INTS8: variants seen among roughly 807,000 people sequenced by gnomAD.
The protein encoded by INTS8 is integrator complex subunit 8.
Under a neutral mutation model 138.9 loss-of-function variants are expected in INTS8, and 47 were observed. That is an observed-to-expected ratio of 0.34 (90% CI 0.27 to 0.43). The LOEUF (loss-of-function observed/expected upper bound fraction) is 0.43, where lower values mean the gene tolerates loss of function less well. INTS8 is among the 20% of genes least tolerant of loss of function. The pLI, the probability that INTS8 is intolerant of heterozygous loss-of-function variation, is 1.00. For missense variants in INTS8, 996 were observed against 1,173.0 expected, an observed-to-expected ratio of 0.85 and a Z score of 2.20; for synonymous variants, 392 against 400.9, an observed-to-expected ratio of 0.98 and a Z score of 0.27.
chr8:94,854,405 A>G (rs1815670260), intron 14 of INTS8, among the ~76,000 whole-genome samples: 1 of 152,156 alleles, frequency 6.6e-6, no homozygotes, highest in Admixed American at 6.5e-5. Flanking sequence ...GATCAAATGA[A>G]TACTGCTCTG....
intron 25 of INTS8, 47 bp from the exon 26 acceptor site, chr8:94,876,399 A>C (rs370324502): frequency 7.2e-7 from 1 of 1,397,844 alleles, no homozygotes; most frequent in Non-Finnish European, 1.0e-6. Context: ...AGATTCTCTC[A>C]TTATATTTAA....
intron 13 of INTS8, among the ~76,000 whole-genome samples, chr8:94,853,494 C>T (rs1265457513): frequency 6.6e-6 from 1 of 152,108 alleles, no homozygotes; most frequent in Non-Finnish European, 1.5e-5. Context: ...TGCAAAATGA[C>T]AGTAGTAGCA....
chr8:94,861,056 C>CAA lies in INTS8; in HGVS notation c.2076+1442_2076+1443dup, dbSNP rs1195647511. Reference sequence around the variant, plus strand: ...TGGGCGACAGAGTGAGACTCTGTCTCAAAAAAAAAAAAAAAAAAATCCTTT... The same window carrying CAA: ...TGGGCGACAGAGTGAGACTCTGTCTCAAAAAAAAAAAAAAAAAAAAATCCTTT... On this transcript the variant is annotated intron_variant, in intron 16 of 26. Transcript: ENST00000523731. Among the ~76,000 whole-genome samples the CAA allele has an allele frequency of 5.4e-3, 542 of 99,660 alleles. 4 individuals carry two copies. The highest frequency in any genetic ancestry group is 0.015 in the African/African-American group (392 of 25,636). 65.4% of individuals were successfully genotyped at this position (99,660 alleles called of 152,430 possible). A position where few individuals can be genotyped will look rare whatever the true frequency, so the allele number is the denominator to read the frequency against.
At position 94,859,586 on chromosome 8, in the gene INTS8, C is replaced by T; in HGVS notation, c.2030C>T (p.Thr677Ile). The T allele has an allele frequency of 6.2e-7, 1 of 1,612,032 alleles. No individual in the cohort carries two copies. Among genetic ancestry groups the T allele is most frequent in the African/African-American group, 1.3e-5 (1 of 74,998 alleles). The change falls in exon 16 of 27, where the codon ACA (threonine) becomes ATA (isoleucine). Residue 677 changes from threonine (T) to isoleucine (I), a missense_variant. Transcript: ENST00000523731. Reference protein sequence around the residue: ...MLNWRENEYLTLQVPAFLLQS... With the variant: ...MLNWRENEYLILQVPAFLLQS... Reference sequence around the variant, plus strand: ...AACTGGAGAGAAAATGAATACCTTACACTCCAAGTTCCTGCATTTTTGCTT... The same window carrying T: ...AACTGGAGAGAAAATGAATACCTTATACTCCAAGTTCCTGCATTTTTGCTT...
chr8:94,827,221 T>G, intron 2 of INTS8, 42 bp from the exon 3 acceptor site: 1 of 1,581,328 alleles, frequency 6.3e-7, no homozygotes, highest in Non-Finnish European at 8.7e-7. Flanking sequence ...TTGTGTTTCT[T>G]TCACAATTAA....
intron 18 of INTS8, 150 bp downstream of exon 18, chr8:94,866,341 G>T: frequency 1.6e-6 from 1 of 627,398 alleles, no homozygotes; most frequent in South Asian, 1.5e-5. Context: ...CACCCAAGCT[G>T]GAGTGCTGAG....
At chr8:94,860,588 A>G (rs1314531896) in intron 16 of INTS8, among the ~76,000 whole-genome samples, 2 of 150,092 alleles carry the variant, frequency 1.3e-5, no homozygotes, top group African/African-American at 4.9e-5. Context: ...TCAAAAAAAA[A>G]AAAAAAAAAA....
chr8:94,880,309 A>G lies in INTS8; in HGVS notation c.*75A>G. On this transcript the variant is annotated 3_prime_UTR_variant, in exon 27 of 27. Coordinates refer to ENST00000523731, the MANE Select transcript of INTS8 (RefSeq NM_017864.4). ...AACAGTATTAAAAGGTTAAGTTTAT[A>G]TAATACATATGTACACAATTAGTGG... 1 of 737,034 alleles carries G rather than the reference A, an allele frequency of 1.4e-6. No individual in the cohort carries two copies. Among genetic ancestry groups the G allele is most frequent in the Non-Finnish European group, 2.3e-6 (1 of 438,410 alleles). The allele number at this position is 737,034 out of a possible 1,614,324, so 45.7% of individuals were successfully genotyped here.
intron 26 of INTS8, among the ~76,000 whole-genome samples, chr8:94,877,764 T>A (rs183234702): frequency 1.7e-3 from 255 of 152,316 alleles, no homozygotes; most frequent in Middle Eastern, 6.8e-3. Flanking sequence ...TTCTGTTAGA[T>A]CTTATACTGC....
intron 5 of INTS8, among the ~76,000 whole-genome samples, chr8:94,830,486 C>A (rs1241552649): frequency 6.6e-6 from 1 of 152,138 alleles, no homozygotes; most frequent in East Asian, 1.9e-4. Context: ...TTGAATAAAT[C>A]AAGTGGAACA....
chr8:94,843,667 A>T (rs113024602), intron 10 of INTS8, among the ~76,000 whole-genome samples: 2,329 of 152,242 alleles, frequency 0.015, 59 homozygotes, highest in African/African-American at 0.053. Flanking sequence ...CTGTATACAC[A>T]TATGATGGAG....
In INTS8 at chr8:94,867,136, A is replaced by T. The variant is rs754760895; in HGVS notation, c.2296-4A>T. 7 of 1,603,974 alleles carry T rather than the reference A, an allele frequency of 4.4e-6. No individual in the cohort carries two copies. In the African/African-American group the frequency reaches 9.4e-5, roughly 22 times the overall value. ...TTAAGGATTCTGTGTTTTCTTTCTC[A>T]TAGGAACCACTCGTTTTGACTATTA... On this transcript the variant is annotated splice_polypyrimidine_tract_variant and splice_region_variant and intron_variant, in intron 18 of 26. Transcript: ENST00000523731.
chr8:94,849,680 TG>T, intron 11 of INTS8, 148 bp downstream of exon 11: 1 of 618,396 alleles, frequency 1.6e-6, no homozygotes, highest in East Asian at 2.9e-5. Flanking sequence ...AGTTCAAATT[TG>T]TATAGCCACG....
At chr8:94,844,728 C>A (rs959139476) in intron 10 of INTS8, among the ~76,000 whole-genome samples, 1 of 150,726 alleles carries the variant, frequency 6.6e-6, no homozygotes, top group African/African-American at 2.4e-5. Context: ...CAGATATCTT[C>A]ACTGAGTTTG....
At chr8:94,844,982 G>C (rs1373927862) in intron 10 of INTS8, among the ~76,000 whole-genome samples, 3 of 151,706 alleles carry the variant, frequency 2.0e-5, no homozygotes. Context: ...TCGAACTGTT[G>C]AGCTCAGGTG....
At chr8:94,838,735 T>C in intron 8 of INTS8, 117 bp downstream of exon 8, 1 of 679,618 alleles carries the variant, frequency 1.5e-6, no homozygotes, top group Non-Finnish European at 2.6e-6. Flanking sequence ...TACACTGTCA[T>C]ACTGGCCTGT....
In INTS8 at chr8:94,881,399, A is replaced by G; in HGVS notation, c.*1165A>G. 1.9e-6 allele frequency: 1 copy of G among 530,198 alleles called. No homozygotes were observed. Among genetic ancestry groups the G allele is most frequent in the Non-Finnish European group, 3.3e-6 (1 of 301,830 alleles). 32.8% of individuals were successfully genotyped at this position (530,198 alleles called of 1,614,324 possible). A position where few individuals can be genotyped will look rare whatever the true frequency, so the allele number is the denominator to read the frequency against. The stretch of plus-strand genomic sequence containing the variant: ...TGGCTTCTATCCAGTAACCTTGGGA[A>G]TGAAGACATCTTTGTAAACAAGTCC... On this transcript the variant is annotated 3_prime_UTR_variant, in exon 27 of 27. Transcript: ENST00000523731.
intron 6 of INTS8, among the ~76,000 whole-genome samples, chr8:94,836,102 A>G (rs1814918564): frequency 6.6e-6 from 1 of 152,124 alleles, no homozygotes; most frequent in African/African-American, 2.4e-5. Context: ...GCGACAGTAA[A>G]ATCTAGTTTC....
chr8:94,829,860 G>A (rs1432420882), intron 5 of INTS8, among the ~76,000 whole-genome samples: 1 of 152,102 alleles, frequency 6.6e-6, no homozygotes, highest in Non-Finnish European at 1.5e-5. Flanking sequence ...AACATGTATA[G>A]TTTATATTTT....
Sources: allele counts gnomAD v4.1 joint callset (sites outside exome capture counted in the v4.1 genomes callset), GRCh38; gene constraint gnomAD v4.1.1; transcripts MANE v1.5; gene names NCBI Gene and HGNC (gene_info 2026-07-23, HGNC 2026-07-21).